NFATC3: variants seen among roughly 807,000 people sequenced by gnomAD.
The protein encoded by NFATC3 is nuclear factor of activated T-cells, cytoplasmic 3.
A neutral mutation model predicts 98.6 loss-of-function variants in NFATC3; 46 were observed. The observed-to-expected ratio is 0.47, with a 90% CI of 0.37 to 0.60. NFATC3 has a LOEUF of 0.60. Among genes scored for constraint, NFATC3 ranks in the 20% least tolerant of loss-of-function variants. The pLI is 0.00. For synonymous variants in NFATC3, 512 were observed against 472.2 expected, an observed-to-expected ratio of 1.08 and a Z score of -1.09; for missense variants, 1,256 against 1,295.5, an observed-to-expected ratio of 0.97 and a Z score of 0.47.
At chr16:68,138,715 C>T in intron 3 of NFATC3, 1 of 1,288,724 alleles carries the variant, frequency 7.8e-7, no homozygotes, top group Non-Finnish European at 1.0e-6. Flanking sequence ...GAAAAGTAGT[C>T]CCTGGCTGGG....
intron 9 of NFATC3, among the ~76,000 whole-genome samples, chr16:68,211,432 C>T (rs143652376): frequency 0.038 from 5,721 of 151,854 alleles, 118 homozygotes; most frequent in Middle Eastern, 0.14. Flanking sequence ...GTGATCCTCC[C>T]GCCTCGGCCT....
Position 68,117,428 on chromosome 16 carries a change from C to T in NFATC3, c.104-4559C>T, listed in dbSNP as rs542175329. On this transcript the variant is annotated intron_variant, in intron 1 of 9. Transcript: ENST00000346183. ...TCGCAAGGCCTTACTTGACTAGCCTCTCCCTGAGCACCCCTAGCTCTCATT... is the reference window on the plus strand; with the variant it reads ...TCGCAAGGCCTTACTTGACTAGCCTTTCCCTGAGCACCCCTAGCTCTCATT... Among the ~76,000 whole-genome samples the T allele has an allele frequency of 4.1e-4, 63 of 152,324 alleles. 1 individual carries two copies. The South Asian group carries it at 5.6e-3, about 14-fold the overall frequency.
At chr16:68,154,383 A>G (rs1252125379) in intron 3 of NFATC3, among the ~76,000 whole-genome samples, 2 of 152,094 alleles carry the variant, frequency 1.3e-5, no homozygotes, top group African/African-American at 2.4e-5. Flanking sequence ...TCTATTTTCT[A>G]TTTATGATCC....
chr16:68,207,848 A>C (rs771799879), intron 9 of NFATC3, among the ~76,000 whole-genome samples: 14 of 152,074 alleles, frequency 9.2e-5, no homozygotes, highest in Non-Finnish European at 1.8e-4. Context: ...TAAGGCTTTC[A>C]GTTTCTTTAT....
At chr16:68,159,089 G>A (rs989990917) in intron 4 of NFATC3, among the ~76,000 whole-genome samples, 21 of 152,146 alleles carry the variant, frequency 1.4e-4, no homozygotes, top group Non-Finnish European at 2.9e-4. Context: ...GAAATTAGCC[G>A]AGTGCGGTTG....
intron 6 of NFATC3, among the ~76,000 whole-genome samples, chr16:68,177,914 T>C (rs2039789664): frequency 6.6e-6 from 1 of 152,164 alleles, no homozygotes; most frequent in African/African-American, 2.4e-5. Context: ...TTCACTTCAT[T>C]GAAATCATAA....
Position 68,190,765 on chromosome 16 carries a change from C to T in NFATC3, c.2099-3C>T, listed in dbSNP as rs750531055. ...ATATTTGCTTTAATCATTTTCTTTTCAGTTTTGATGAAGCAAGAACACAGA... is the reference window on the plus strand; with the variant it reads ...ATATTTGCTTTAATCATTTTCTTTTTAGTTTTGATGAAGCAAGAACACAGA... On this transcript the variant is annotated splice_region_variant and splice_polypyrimidine_tract_variant and intron_variant, in intron 8 of 9. Coordinates refer to ENST00000346183, the MANE Select transcript of NFATC3 (RefSeq NM_173165.3). 2 of 1,585,156 alleles carry T rather than the reference C, an allele frequency of 1.3e-6. No individual in the cohort carries two copies. Among genetic ancestry groups the T allele is most frequent in the Admixed American group, 1.8e-5 (1 of 54,352 alleles).
At chr16:68,166,709 A>G (rs1330720470) in intron 4 of NFATC3, 134 bp from the exon 5 acceptor site, 6 of 664,248 alleles carry the variant, frequency 9.0e-6, no homozygotes, top group African/African-American at 1.8e-5. Context: ...GTGAATAGCA[A>G]TCATACATAT....
At chr16:68,156,755 A>C (rs1351232875) in intron 3 of NFATC3, among the ~76,000 whole-genome samples, 1 of 152,160 alleles carries the variant, frequency 6.6e-6, no homozygotes, top group African/African-American at 2.4e-5. Flanking sequence ...CCTGGCCAGC[A>C]TGGTGAAACC....
At chr16:68,207,306 A>G (rs1344951295) in intron 9 of NFATC3, among the ~76,000 whole-genome samples, 1 of 148,976 alleles carries the variant, frequency 6.7e-6, no homozygotes, top group African/African-American at 2.6e-5. Context: ...GCAAAACTCC[A>G]TCTCAAAAAA....
intron 5 of NFATC3, among the ~76,000 whole-genome samples, chr16:68,172,817 A>C (rs1464964798): frequency 2.0e-5 from 3 of 152,216 alleles, no homozygotes; most frequent in Non-Finnish European, 4.4e-5. Context: ...GAGAACCTAC[A>C]CAATGAAAAG....
At position 68,092,448 on chromosome 16, in the gene NFATC3, C is replaced by T. The variant is rs564120727; in HGVS notation, c.103+6664C>T. ...AGCCTGGGGGACAGAGTAAAACTCT[C>T]TCTCAAAAAAAAAAAAAATAAATAA... is the stretch of plus-strand genomic sequence containing the variant. On this transcript the variant is annotated intron_variant, in intron 1 of 9. Transcript: ENST00000346183. 2.9e-5 allele frequency among the ~76,000 whole-genome samples: 4 copies of T among 138,160 alleles called. No homozygotes were observed. In the Admixed American group the frequency reaches 3.0e-4, roughly 11 times the overall value. 90.6% of individuals were successfully genotyped at this position (138,160 alleles called of 152,430 possible). A position where few individuals can be genotyped will look rare whatever the true frequency, so the allele number is the denominator to read the frequency against.
intron 8 of NFATC3, among the ~76,000 whole-genome samples, chr16:68,185,014 C>A (rs1350324193): frequency 2.0e-5 from 3 of 151,134 alleles, no homozygotes; most frequent in Admixed American, 1.3e-4. Flanking sequence ...GAGAGTCTTA[C>A]CCTGTTGCTC....
intron 1 of NFATC3, among the ~76,000 whole-genome samples, chr16:68,108,209 G>T (rs978423399): frequency 1.3e-5 from 2 of 152,048 alleles, no homozygotes; most frequent in South Asian, 2.1e-4. Context: ...TATAGTTTGG[G>T]GTTTTACATT....
At chr16:68,098,291 A>ATTTTT (rs2035130046) in intron 1 of NFATC3, among the ~76,000 whole-genome samples, 1 of 107,890 alleles carries the variant, frequency 9.3e-6, no homozygotes, top group Non-Finnish European at 1.8e-5. Context: ...TATTATTATT[A>ATTTTT]TTATTATTAT....
At chr16:68,218,613 A>G (rs111402974) in intron 9 of NFATC3, among the ~76,000 whole-genome samples, 38,768 of 146,582 alleles carry the variant, frequency 0.26, 6,685 homozygotes, top group African/African-American at 0.49. Flanking sequence ...TCACTCTGTC[A>G]CCCAGGCTGG....
chr16:68,215,889 C>T (rs931515604), intron 9 of NFATC3, among the ~76,000 whole-genome samples: 5 of 151,770 alleles, frequency 3.3e-5, no homozygotes, highest in African/African-American at 1.2e-4. Context: ...CCACCACGCC[C>T]GGCTAATTTT....
At chr16:68,125,272 C>T (rs1441596569) in intron 2 of NFATC3, among the ~76,000 whole-genome samples, 2 of 152,092 alleles carry the variant, frequency 1.3e-5, no homozygotes, top group Non-Finnish European at 2.9e-5. Context: ...TAAAGCTAGG[C>T]TGAGGACATG....
At chr16:68,085,832 C>T (rs375112718) in intron 1 of NFATC3, 48 bp downstream of exon 1, 1 of 1,322,500 alleles carries the variant, frequency 7.6e-7, no homozygotes, top group East Asian at 3.1e-5. Context: ...GCTTCTCGCT[C>T]GCAGGATCTC....
Sources: allele counts gnomAD v4.1 joint callset (sites outside exome capture counted in the v4.1 genomes callset), GRCh38; gene constraint gnomAD v4.1.1; transcripts MANE v1.5; gene names NCBI Gene and HGNC (gene_info 2026-07-23, HGNC 2026-07-21).